The following SCAI variants were observed in gnomAD, a reference collection of about 807,000 sequenced individuals.
SCAI encodes the protein protein SCAI.
In SCAI, 24 loss-of-function variants were observed where a neutral mutation model predicts 92.2. The ratio of observed to expected loss-of-function variants is 0.26; its 90% CI spans 0.19 to 0.37. The LOEUF is 0.37. Among genes scored for constraint, SCAI ranks in the 10% least tolerant of loss-of-function variants. The probability of loss-of-function intolerance (pLI) is 1.00; values close to 1 mark genes in which losing one functional copy is unlikely to be tolerated. For missense variants in SCAI, 450 were observed against 736.2 expected (o/e 0.61, Z 4.50); for synonymous variants, 261 against 258.6 (o/e 1.01, Z -0.09).
intron 9 of SCAI, among the ~76,000 whole-genome samples, chr9:125,012,982 G>A (rs1335150243): frequency 2.0e-5 from 3 of 152,082 alleles, no homozygotes; most frequent in East Asian, 1.9e-4. Flanking sequence ...TGAAACCAAC[G>A]AGAACAAAGA....
intron 5 of SCAI, among the ~76,000 whole-genome samples, chr9:125,027,388 T>C (rs556163622): frequency 6.6e-6 from 1 of 152,338 alleles, no homozygotes; most frequent in African/African-American, 2.4e-5. Context: ...AAAACACTTC[T>C]AGTTTTACAA....
intron 2 of SCAI, among the ~76,000 whole-genome samples, chr9:125,061,328 A>G (rs1833765457): frequency 6.6e-6 from 1 of 152,144 alleles, no homozygotes; most frequent in Non-Finnish European, 1.5e-5. Flanking sequence ...GGCTAAACCC[A>G]TGTTACATTT....
rs974587395 is a variant in SCAI at position 124,971,673 on chromosome 9, A to G, written c.1571T>C (p.Ile524Thr). The G allele has an allele frequency of 6.2e-7, 1 of 1,600,440 alleles. No individual in the cohort carries two copies. Among genetic ancestry groups the G allele is most frequent in the Non-Finnish European group, 8.5e-7 (1 of 1,174,942 alleles). The part of the protein sequence containing the change: ...IAQLLTHSRS[I>T]DQAFLQFFGD... ...GTGCAGTTAGATTAGGAGGGTACCT[A>G]TTGAACGTGAATGAGTCAGTAGCTG... Residue 524 changes from isoleucine to threonine, a missense_variant and splice_region_variant, in exon 16 of 18, where the codon ATA (isoleucine) becomes ACA (threonine). Ile to Thr is a moderately conservative substitution (Grantham distance 89). Transcript: ENST00000336505.
At chr9:125,137,849 G>A (rs893974782) in intron 2 of SCAI, among the ~76,000 whole-genome samples, 6 of 152,100 alleles carry the variant, frequency 3.9e-5, no homozygotes, top group South Asian at 4.1e-4. Flanking sequence ...TGATCCACCC[G>A]CCTCAGCCTC....
intron 2 of SCAI, among the ~76,000 whole-genome samples, chr9:125,123,578 C>A (rs975255285): frequency 1.1e-4 from 16 of 152,136 alleles, no homozygotes; most frequent in African/African-American, 3.6e-4. Flanking sequence ...AGATCGAGAA[C>A]ATCCTAGCTA....
chr9:125,087,817 A>G (rs1258798672), intron 2 of SCAI, among the ~76,000 whole-genome samples: 3 of 152,224 alleles, frequency 2.0e-5, no homozygotes, highest in Non-Finnish European at 2.9e-5. Context: ...AAGAGTCCTC[A>G]TGTTTTAAAT....
intron 1 of SCAI, 88 bp downstream of exon 1, chr9:125,143,297 A>G (rs1835713678): frequency 1.3e-6 from 1 of 768,222 alleles, no homozygotes; most frequent in Admixed American, 4.6e-5. Context: ...TGCGCCCCGA[A>G]TGCTCCACCG....
intron 2 of SCAI, among the ~76,000 whole-genome samples, chr9:125,117,487 G>A (rs896065197): frequency 6.6e-6 from 1 of 151,918 alleles, no homozygotes; most frequent in Non-Finnish European, 1.5e-5. Flanking sequence ...CCAACATGGT[G>A]AAACCCTATC....
intron 3 of SCAI, among the ~76,000 whole-genome samples, chr9:125,043,467 C>T (rs80153500): frequency 0.018 from 2,764 of 151,512 alleles, 82 homozygotes; most frequent in African/African-American, 0.064. Context: ...TTTTGTTGTT[C>T]TTTGTTTTTA....
intron 3 of SCAI, among the ~76,000 whole-genome samples, chr9:125,046,339 A>ATGTG (rs199538830): frequency 1.9e-3 from 46 of 24,098 alleles, no homozygotes; most frequent in African/African-American, 5.1e-3. Flanking sequence ...ACACATATAT[A>ATGTG]TATGTGTGTG....
chr9:125,000,964 T>C (rs1832346980), intron 12 of SCAI, among the ~76,000 whole-genome samples: 1 of 152,094 alleles, frequency 6.6e-6, no homozygotes, highest in Non-Finnish European at 1.5e-5. Flanking sequence ...CGATTACCTA[T>C]CATACTTTGA....
At chr9:125,046,750 T>G (rs1384492011) in intron 3 of SCAI, among the ~76,000 whole-genome samples, 1 of 151,176 alleles carries the variant, frequency 6.6e-6, no homozygotes, top group Non-Finnish European at 1.5e-5. Flanking sequence ...CCTAACCAAT[T>G]CCCGATCCAG....
At chr9:124,986,639 C>T (rs1030349335) in intron 14 of SCAI, among the ~76,000 whole-genome samples, 1 of 152,172 alleles carries the variant, frequency 6.6e-6, no homozygotes, top group East Asian at 1.9e-4. Context: ...AATTTCCCAG[C>T]AGTAACAAAA....
chr9:125,030,930 C>T (rs1174384903), intron 3 of SCAI, among the ~76,000 whole-genome samples: 2 of 152,174 alleles, frequency 1.3e-5, no homozygotes, highest in Non-Finnish European at 2.9e-5. Flanking sequence ...ATTACTAATG[C>T]ATAACTGTAA....
At position 125,091,442 on chromosome 9, in the gene SCAI, T is replaced by C. The variant is rs1361577296; in HGVS notation, c.99-35435A>G. 6.6e-6 allele frequency among the ~76,000 whole-genome samples: 1 copy of C among 152,218 alleles called. No homozygotes were observed. The highest frequency in any genetic ancestry group is 2.4e-5 in the African/African-American group (1 of 41,456). ...GCTTTTTTAATGACCTGTCATTCAC[T>C]AAGTTTAGCCTTCCAAAATGGGTAT... On this transcript the variant is annotated intron_variant, in intron 2 of 17. Coordinates refer to ENST00000336505, the MANE Select transcript of SCAI (RefSeq NM_001144877.3). This position sits in a 1 kb window ranked among gnomAD's most constrained non-coding sequence, Gnocchi z 4.3.
chr9:124,976,243 T>A, intron 14 of SCAI, 57 bp from the exon 15 acceptor site: 1 of 1,231,484 alleles, frequency 8.1e-7, no homozygotes, highest in Non-Finnish European at 1.2e-6. Flanking sequence ...GATAGTTACT[T>A]AGTAATTTTC....
At chr9:125,105,726 T>C (rs1834763625) in intron 2 of SCAI, among the ~76,000 whole-genome samples, 1 of 152,182 alleles carries the variant, frequency 6.6e-6, no homozygotes, top group East Asian at 1.9e-4. Context: ...CATTACTATA[T>C]TTTATCTCCA....
chr9:125,134,213 A>G (rs1588253625), intron 2 of SCAI, among the ~76,000 whole-genome samples: 1 of 152,170 alleles, frequency 6.6e-6, no homozygotes, highest in Non-Finnish European at 1.5e-5. Context: ...GGCTTAGATA[A>G]ATGACTGCAG....
At chr9:125,055,715 A>G (rs893960868) in intron 3 of SCAI, among the ~76,000 whole-genome samples, 161 bp downstream of exon 3, 3 of 152,188 alleles carry the variant, frequency 2.0e-5, no homozygotes, top group African/African-American at 7.2e-5. Flanking sequence ...TTTTTTATCC[A>G]AGAATTTTAA....
Sources: gnomAD v4.1 joint callset for allele counts (sites outside exome capture counted in the v4.1 genomes callset) on GRCh38, gnomAD v4.1.1 for gene constraint, Gnocchi (gnomAD v3.1) non-coding constraint, MANE v1.5 for transcripts, NCBI Gene and HGNC (gene_info 2026-07-23, HGNC 2026-07-21) for gene names.